CCDC25: variants seen among roughly 807,000 people sequenced by gnomAD.
CCDC25 encodes coiled-coil domain containing 25, also known as coiled-coil domain-containing protein 25.
A neutral mutation model predicts 35.3 loss-of-function variants in CCDC25; 16 were observed. The observed-to-expected ratio is 0.45, with a 90% CI of 0.31 to 0.69. The LOEUF (loss-of-function observed/expected upper bound fraction) is 0.69. Among genes scored for constraint, CCDC25 ranks in the 30% least tolerant of loss-of-function variants. The probability of loss-of-function intolerance (pLI) is 0.06; values close to 1 mark genes in which losing one functional copy is unlikely to be tolerated. For synonymous variants in CCDC25, 79 were observed against 80.3 expected, an observed-to-expected ratio of 0.98 and a Z score of 0.09; for missense variants, 179 against 250.7, an observed-to-expected ratio of 0.71 and a Z score of 1.93.
At chr8:27,767,864 T>TA (rs1413335882) in intron 1 of CCDC25, among the ~76,000 whole-genome samples, 3 of 150,652 alleles carry the variant, frequency 2.0e-5, no homozygotes, top group African/African-American at 7.4e-5. Flanking sequence ...GAGAAAAAAA[T>TA]AGAGAAAAAG....
chr8:27,766,655 T>C (rs984932342), intron 1 of CCDC25, among the ~76,000 whole-genome samples: 1 of 152,122 alleles, frequency 6.6e-6, no homozygotes, highest in Non-Finnish European at 1.5e-5. Context: ...ATAGTTCAAG[T>C]GTATACCCTT....
chr8:27,755,578 A>C (rs1290738058), intron 4 of CCDC25, among the ~76,000 whole-genome samples: 1 of 152,206 alleles, frequency 6.6e-6, no homozygotes, highest in Non-Finnish European at 1.5e-5. Flanking sequence ...ACTTGCTTCC[A>C]AATAAGAATA....
rs1410130860 is a variant in CCDC25, at chr8:27,740,514, G to A, written c.555C>T (p.Ser185=). The change falls in exon 8 of 9, where the codon AGC becomes AGT. Residue 185 remains serine (S), a synonymous_variant. Transcript: ENST00000356537. ...KKKREMDELR[S]YSSLMKVENM... is the part of the protein sequence containing the mutation. ...TTTCAACTTTCATTAGTGATGAATA[G>A]CTCCTAGAAGGAAAAAAACACACAC... The A allele has an allele frequency of 1.3e-6, 2 of 1,583,784 alleles. No homozygotes were observed. Among genetic ancestry groups the A allele is most frequent in the South Asian group, 1.1e-5 (1 of 89,760 alleles).
chr8:27,748,644 G>T, intron 5 of CCDC25, 46 bp from the exon 6 acceptor site: 1 of 1,402,014 alleles, frequency 7.1e-7, no homozygotes, highest in Non-Finnish European at 1.0e-6. Flanking sequence ...ATGAGACTGA[G>T]CAATGTGTTC....
intron 4 of CCDC25, among the ~76,000 whole-genome samples, chr8:27,753,518 A>G (rs1803890681): frequency 6.6e-6 from 1 of 152,184 alleles, no homozygotes; most frequent in Non-Finnish European, 1.5e-5. Context: ...CAAGACCAGC[A>G]TGGGCAACAC....
chr8:27,758,194 C>T (rs920413915), intron 3 of CCDC25, among the ~76,000 whole-genome samples: 2 of 152,168 alleles, frequency 1.3e-5, no homozygotes, highest in Admixed American at 1.3e-4. Context: ...TTCAGAAAAT[C>T]CTAAAGAGGC....
chr8:27,760,854 G>T (rs1168981694), intron 3 of CCDC25, among the ~76,000 whole-genome samples: 2 of 152,166 alleles, frequency 1.3e-5, no homozygotes, highest in Non-Finnish European at 2.9e-5. Context: ...GGCTGGGCGC[G>T]GTGGCTCACG....
chr8:27,770,107 G>A (rs867177268), intron 1 of CCDC25, among the ~76,000 whole-genome samples: 4 of 152,056 alleles, frequency 2.6e-5, no homozygotes, highest in African/African-American at 4.8e-5. Flanking sequence ...TCACACCACC[G>A]TACTCTAGCC....
chr8:27,742,856 G>A (rs562536858), intron 7 of CCDC25, among the ~76,000 whole-genome samples: 74 of 152,276 alleles, frequency 4.9e-4, no homozygotes, highest in Non-Finnish European at 8.5e-4. Flanking sequence ...AACAGAGTGA[G>A]ACTCAGTCTC....
chr8:27,739,065 A>G (rs1225077965), intron 8 of CCDC25, among the ~76,000 whole-genome samples: 1 of 152,178 alleles, frequency 6.6e-6, no homozygotes, highest in Non-Finnish European at 1.5e-5. Flanking sequence ...ACTCCCTCAG[A>G]GAGGTTAAAT....
intron 3 of CCDC25, among the ~76,000 whole-genome samples, chr8:27,757,961 C>T (rs767961266): frequency 1.4e-4 from 22 of 152,138 alleles, no homozygotes; most frequent in Non-Finnish European, 2.8e-4. Context: ...TAAGCCGCCT[C>T]GCTTCCCCTT....
Position 27,752,581 on chromosome 8 carries a change from T to C in CCDC25, c.175A>G (p.Asn59Asp). The change falls in exon 5 of 9, where the codon AAT becomes GAT. Residue 59 changes from asparagine (N) to aspartate (D), a missense_variant. Physicochemically the swap from Asn to Asp is conservative, Grantham distance 23. Transcript: ENST00000356537. ...HVYLRLHKGE[N>D]IEDIPKEVLM... ...ACTTCCTTTGGGATGTCTTCTATAT[T>C]CTCTCCCTGAAACACAAAAATAAAC... is the stretch of plus-strand genomic sequence containing the variant. 1 of 1,612,932 alleles carries C rather than the reference T, an allele frequency of 6.2e-7. No individual in the cohort carries two copies. Among genetic ancestry groups the C allele is most frequent in the Non-Finnish European group, 8.5e-7 (1 of 1,179,168 alleles).
Position 27,734,793 on chromosome 8 carries a change from T to A in CCDC25, c.*1423A>T, listed in dbSNP as rs953405884. The A allele has an allele frequency of 6.6e-6, 1 of 152,182 alleles. No homozygotes were observed. Among genetic ancestry groups the A allele is most frequent in the Admixed American group, 6.5e-5 (1 of 15,284 alleles). The allele number at this position is 152,182 out of a possible 1,614,324, so 9.4% of individuals were successfully genotyped here. A position where few individuals can be genotyped will look rare whatever the true frequency, so the allele number is the denominator to read the frequency against. On this transcript the variant is annotated 3_prime_UTR_variant, in exon 9 of 9. Coordinates refer to ENST00000356537, the MANE Select transcript of CCDC25 (RefSeq NM_018246.3). ...GTAGAAGCCGGACTCCTTGGAAGTA[T>A]GGAAGGAGCACAGCTACGAATACAT...
chr8:27,768,415 A>T (rs904303588), intron 1 of CCDC25, among the ~76,000 whole-genome samples: 13 of 152,066 alleles, frequency 8.5e-5, no homozygotes, highest in Non-Finnish European at 1.5e-4. Flanking sequence ...AAATTCAAAA[A>T]TTAGTCAGCC....
chr8:27,740,606 G>A, intron 7 of CCDC25, 89 bp from the exon 8 acceptor site: 1 of 1,093,754 alleles, frequency 9.1e-7, no homozygotes, highest in East Asian at 2.4e-5. Flanking sequence ...ATCCAGCACT[G>A]CTCAGGGGCT....
intron 3 of CCDC25, among the ~76,000 whole-genome samples, chr8:27,757,044 GA>G (rs201270755): frequency 0.021 from 3,242 of 152,260 alleles, 84 homozygotes; most frequent in East Asian, 0.11. Context: ...GATTTTTCAA[GA>G]TATAAAAAGA....
At position 27,735,319 on chromosome 8, in the gene CCDC25, T is replaced by G. The variant is rs1289629192; in HGVS notation, c.*897A>C. The G allele has an allele frequency of 6.6e-6, 1 of 152,596 alleles. No individual in the cohort carries two copies. The highest frequency in any genetic ancestry group is 1.5e-5 in the Non-Finnish European group (1 of 68,054). 9.5% of individuals were successfully genotyped at this position (152,596 alleles called of 1,614,324 possible). On this transcript the variant is annotated 3_prime_UTR_variant, in exon 9 of 9. Transcript: ENST00000356537. ...GAATATCTGCTGCAGGAGGTCATTCTTGCTGCTGTGGGTGTGAGTAAAATG... is the reference window on the plus strand; with the variant it reads ...GAATATCTGCTGCAGGAGGTCATTCGTGCTGCTGTGGGTGTGAGTAAAATG...
Position 27,735,845 on chromosome 8 carries a change from A to G in CCDC25, c.*371T>C. The G allele has an allele frequency of 5.9e-6, 1 of 170,474 alleles. No individual in the cohort carries two copies. The highest frequency in any genetic ancestry group is 1.2e-5 in the Non-Finnish European group (1 of 80,616). 10.6% of individuals were successfully genotyped at this position (170,474 alleles called of 1,614,324 possible). On this transcript the variant is annotated 3_prime_UTR_variant, in exon 9 of 9. Coordinates refer to ENST00000356537, the MANE Select transcript of CCDC25 (RefSeq NM_018246.3). ...AGTGAAGATTATTTTAAGAATATGAAAAGTGTTTCAAGACATCTGTTTTCA... is the reference window on the plus strand; with the variant it reads ...AGTGAAGATTATTTTAAGAATATGAGAAGTGTTTCAAGACATCTGTTTTCA...
intron 8 of CCDC25, among the ~76,000 whole-genome samples, chr8:27,739,016 C>T (rs924210204): frequency 6.6e-6 from 1 of 152,046 alleles, no homozygotes; most frequent in Admixed American, 6.5e-5. Context: ...TCTAAGCAGC[C>T]CTGTGAAATA....
Sources: allele counts gnomAD v4.1 joint callset (sites outside exome capture counted in the v4.1 genomes callset), GRCh38; gene constraint gnomAD v4.1.1; transcripts MANE v1.5; gene names NCBI Gene and HGNC (gene_info 2026-07-23, HGNC 2026-07-21).